The following ATRN variants were observed in gnomAD, a reference collection of about 807,000 sequenced individuals.
ATRN encodes the protein attractin.
In ATRN, 54 loss-of-function variants were observed where a neutral mutation model predicts 178.7. That is an observed-to-expected ratio of 0.30 (90% CI 0.24 to 0.38). The LOEUF is 0.38. ATRN is among the 10% of genes least tolerant of loss of function. The pLI is 1.00. For missense variants in ATRN, 1,443 were observed against 1,815.1 expected (o/e 0.79, Z 3.73); for synonymous variants, 636 against 663.0 (o/e 0.96, Z 0.63).
chr20:3,565,753 G>A (rs763285908), intron 11 of ATRN, among the ~76,000 whole-genome samples: 80 of 137,716 alleles, frequency 5.8e-4, no homozygotes, highest in Admixed American at 1.1e-3. Context: ...AGACGAGATC[G>A]CGCCACAGCA....
chr20:3,642,958 CAGA>C (rs2087080644), intron 27 of ATRN, among the ~76,000 whole-genome samples: 1 of 152,150 alleles, frequency 6.6e-6, no homozygotes, highest in African/African-American at 2.4e-5. Context: ...GGAGTGGCCA[CAGA>C]AGTTTTTTTG....
chr20:3,579,723 C>T (rs2086258132), intron 15 of ATRN, among the ~76,000 whole-genome samples: 1 of 152,140 alleles, frequency 6.6e-6, no homozygotes, highest in Admixed American at 6.5e-5. Flanking sequence ...GTTAAGTAGA[C>T]TCATAGAACA....
At chr20:3,492,854 G>GGCAC (rs2084817167) in intron 1 of ATRN, among the ~76,000 whole-genome samples, 1 of 132,434 alleles carries the variant, frequency 7.6e-6, no homozygotes, top group African/African-American at 3.0e-5. Context: ...GAGAGAGAGA[G>GGCAC]GCGCGCGCGC....
chr20:3,539,736 T>G (rs368077568), intron 2 of ATRN, among the ~76,000 whole-genome samples: 36 of 148,344 alleles, frequency 2.4e-4, no homozygotes, highest in African/African-American at 8.7e-4. Context: ...CTTAGTTTTG[T>G]TTTTTTTTTC....
intron 25 of ATRN, among the ~76,000 whole-genome samples, chr20:3,628,643 T>C (rs1244103568): frequency 2.0e-5 from 3 of 152,132 alleles, no homozygotes; most frequent in African/African-American, 7.2e-5. Flanking sequence ...TAGGGTTCAG[T>C]ACTATCCATG....
intron 1 of ATRN, among the ~76,000 whole-genome samples, chr20:3,524,813 AAAT>A (rs1292824596): frequency 6.6e-6 from 1 of 152,206 alleles, no homozygotes; most frequent in African/African-American, 2.4e-5. Context: ...ACTACTGGGT[AAAT>A]AACGAAATTA....
At position 3,560,884 on chromosome 20, in the gene ATRN, A is replaced by G. The variant is rs770999398; in HGVS notation, c.1426A>G (p.Asn476Asp). 2.5e-6 allele frequency: 4 copies of G among 1,613,862 alleles called. No homozygotes were observed. In the East Asian group the frequency reaches 6.7e-5, roughly 27 times the overall value. ...GHCPLYGYIS[N>D]VQEYDLDKNT... ...CTGCCCTCTCTATGGATATATAAGC[A>G]ATGTGCAGGAATATGATTTGGGTAG... Residue 476 changes from asparagine to aspartate, a missense_variant, in exon 8 of 29, where the codon AAT becomes GAT. Asn to Asp is a conservative substitution (Grantham distance 23, BLOSUM62 1). This residue lies in a region of ATRN where 862 missense variants were observed against 972.1 expected (regional missense o/e 0.89). Coordinates refer to ENST00000262919, the MANE Select transcript of ATRN (RefSeq NM_139321.3).
chr20:3,484,693 G>A (rs994810469), intron 1 of ATRN, among the ~76,000 whole-genome samples: 2 of 152,086 alleles, frequency 1.3e-5, no homozygotes, highest in Admixed American at 6.5e-5. Context: ...TAAGCCTGGG[G>A]AAATCTGTCA....
rs1368626995 is a variant in ATRN at position 3,549,237 on chromosome 20, A to C, written c.1011A>C (p.Leu337Phe). The C allele has an allele frequency of 1.2e-6, 2 of 1,611,050 alleles. No homozygotes were observed. Among genetic ancestry groups the C allele is most frequent in the Non-Finnish European group, 1.7e-6 (2 of 1,178,826 alleles). ...GGACTCGAGAGGAATATTCTAACTTAAAGCTCCCCAGAGCATCTCATAAAG... is the reference window on the plus strand; with the variant it reads ...GGACTCGAGAGGAATATTCTAACTTCAAGCTCCCCAGAGCATCTCATAAAG... ...SFWTREEYSN[L>F]KLPRASHKAV... The change falls in exon 6 of 29, where the codon TTA (leucine) becomes TTC (phenylalanine). Residue 337 changes from leucine (L) to phenylalanine (F), a missense_variant. Around this residue, in one of 4 missense-constraint regions of ATRN, gnomAD observed 862 missense variants for 972.1 expected, o/e 0.89. Transcript: ENST00000262919.
At chr20:3,552,222 T>A (rs910430066) in intron 6 of ATRN, among the ~76,000 whole-genome samples, 1 of 152,256 alleles carries the variant, frequency 6.6e-6, no homozygotes, top group East Asian at 1.9e-4. Context: ...CATTGCTGCC[T>A]GTTTATTCAC....
Position 3,584,042 on chromosome 20 carries a change from T to C in ATRN, c.2909T>C (p.Phe970Ser). ...AATGCCTACGTGGCCTCCTTCCCTT[T>C]TGGCCAGTGTATGGAATGGTATACG... is the stretch of plus-strand genomic sequence containing the variant. ...DSNAYVASFP[F>S]GQCMEWYTMS... The change falls in exon 17 of 29, where the codon TTT becomes TCT. Residue 970 changes from phenylalanine to serine, a missense_variant. Phe to Ser is a radical substitution (Grantham distance 155, BLOSUM62 -2). This residue lies in a region of ATRN where 212 missense variants were observed against 330.7 expected (regional missense o/e 0.64). Coordinates refer to ENST00000262919, the MANE Select transcript of ATRN (RefSeq NM_139321.3). The C allele has an allele frequency of 6.2e-7, 1 of 1,614,134 alleles. No homozygotes were observed. The highest frequency in any genetic ancestry group is 8.5e-7 in the Non-Finnish European group (1 of 1,180,012).
At chr20:3,571,561 C>CTTTTTTTTTT (rs5839999) in intron 11 of ATRN, among the ~76,000 whole-genome samples, 1 of 142,632 alleles carries the variant, frequency 7.0e-6, no homozygotes, top group Non-Finnish European at 1.5e-5. Context: ...ATTTTTTGTG[C>CTTTTTTTTTT]TTTTTTTTTT....
rs533055062 is a variant in ATRN at position 3,533,819 on chromosome 20, T to C, written c.411-1434T>C. ...TGATGTATATCTATATCTATATAGA[T>C]ACATATTCTTTTTTAAAAATAGATA... On this transcript the variant is annotated intron_variant, in intron 1 of 28. Coordinates refer to ENST00000262919, the MANE Select transcript of ATRN (RefSeq NM_139321.3). Among the ~76,000 whole-genome samples, 10 of 152,354 alleles carry C rather than the reference T, an allele frequency of 6.6e-5. No homozygotes were observed. The South Asian group carries it at 1.2e-3, about 19-fold the overall frequency.
rs562092077 is a variant in ATRN at position 3,518,206 on chromosome 20, C to T, written c.411-17047C>T. 2.6e-3 allele frequency among the ~76,000 whole-genome samples: 393 copies of T among 152,202 alleles called. 2 individuals are homozygous for T. Among genetic ancestry groups the T allele is most frequent in the African/African-American group, 9.0e-3 (373 of 41,524 alleles). ...AATCCAGTTGAGGGACGTGGTATAA[C>T]GGGACCCAGCACTGCATTCGAATTT... On this transcript the variant is annotated intron_variant, in intron 1 of 28. Transcript: ENST00000262919.
intron 1 of ATRN, among the ~76,000 whole-genome samples, chr20:3,492,306 A>C (rs238721): frequency 0.27 from 40,475 of 151,748 alleles, 5,951 homozygotes; most frequent in African/African-American, 0.33. Flanking sequence ...TTGGCTTCGC[A>C]GGTGAGAGGA....
Position 3,549,345 on chromosome 20 carries a change from C to A in ATRN, c.1112+7C>A, listed in dbSNP as rs1043200196. 11 of 1,508,116 alleles carry A rather than the reference C, an allele frequency of 7.3e-6. No homozygotes were observed. Among genetic ancestry groups the A allele is most frequent in the South Asian group, 1.4e-5 (1 of 73,330 alleles). 93.4% of individuals were successfully genotyped at this position (1,508,116 alleles called of 1,614,324 possible). A position where few individuals can be genotyped will look rare whatever the true frequency, so the allele number is the denominator to read the frequency against. On this transcript the variant is annotated splice_region_variant and intron_variant, in intron 6 of 28. Transcript: ENST00000262919. The stretch of plus-strand genomic sequence containing the variant: ...ATTATAACATGGTTCTAGCGTAAGT[C>A]GTTTTAAACATTTTTGCAAGAAGCT...
intron 1 of ATRN, 38 bp from the exon 2 acceptor site, chr20:3,535,215 T>G (rs1318086709): frequency 1.0e-6 from 1 of 972,564 alleles, no homozygotes; most frequent in South Asian, 2.3e-5. Context: ...GAAATTAATA[T>G]AGCAGACTTA....
intron 1 of ATRN, among the ~76,000 whole-genome samples, chr20:3,492,744 T>G (rs1305466490): frequency 2.6e-5 from 4 of 151,574 alleles, no homozygotes; most frequent in Admixed American, 6.6e-5. Flanking sequence ...TGGGAAGAGA[T>G]AATTCTGCCA....
Position 3,601,070 on chromosome 20 carries a change from A to G in ATRN, c.3643+46A>G, listed in dbSNP as rs2086601477. On this transcript the variant is annotated intron_variant, in intron 23 of 28. Transcript: ENST00000262919. ...GACCCCGCAAATGAAGGTGTGGTAG[A>G]TTAAGAAATGTAATATAGGAATTGA... is the stretch of plus-strand genomic sequence containing the variant. 2.6e-6 allele frequency: 4 copies of G among 1,521,312 alleles called. 1 individual carries two copies. The East Asian group carries it at 9.0e-5, about 34-fold the overall frequency. 94.2% of individuals were successfully genotyped at this position (1,521,312 alleles called of 1,614,324 possible). A position where few individuals can be genotyped will look rare whatever the true frequency, so the allele number is the denominator to read the frequency against.
Sources: allele counts gnomAD v4.1 joint callset (sites outside exome capture counted in the v4.1 genomes callset), GRCh38; gene constraint gnomAD v4.1.1; regional missense constraint gnomAD v4.1.1; transcripts MANE v1.5; gene names NCBI Gene and HGNC (gene_info 2026-07-23, HGNC 2026-07-21).